The following SUCO variants were observed in gnomAD, a reference collection of about 807,000 sequenced individuals.
SUCO encodes SUN domain containing ossification factor, also known as SUN domain-containing ossification factor.
In SUCO, 57 loss-of-function variants were observed where a neutral mutation model predicts 148.1. That is an observed-to-expected ratio of 0.38 (90% confidence interval 0.31 to 0.48). SUCO has a LOEUF of 0.48. Among genes scored for constraint, SUCO ranks in the 20% least tolerant of loss-of-function variants. SUCO has a pLI of 0.96. For synonymous variants in SUCO, 470 were observed against 502.7 expected (o/e 0.93, Z 0.87); for missense variants, 1,331 against 1,468.2 (o/e 0.91, Z 1.53).
chr1:172,579,618 T>A (rs1655727160), intron 15 of SUCO, among the ~76,000 whole-genome samples: 1 of 152,026 alleles, frequency 6.6e-6, no homozygotes, highest in Non-Finnish European at 1.5e-5. Flanking sequence ...AGTTTGCCAT[T>A]TAGTTACAAA....
intron 15 of SUCO, among the ~76,000 whole-genome samples, chr1:172,580,403 ATTACT>A (rs1260815220): frequency 1.3e-5 from 2 of 152,184 alleles, no homozygotes; most frequent in Non-Finnish European, 2.9e-5. Context: ...GATATTAGTG[ATTACT>A]TTTAAATAGG....
rs1267022805 is a variant in SUCO at position 172,533,376 on chromosome 1, G to A, written c.-60G>A. The stretch of plus-strand genomic sequence containing the variant: ...GCTCCGGCTCCTCCATCTTGGCCTC[G>A]GCAGTGGCGGCTGCCGGGAGGATGT... On this transcript the variant is annotated 5_prime_UTR_variant, in exon 1 of 24. Coordinates refer to ENST00000263688, the MANE Select transcript of SUCO (RefSeq NM_014283.5). The A allele has an allele frequency of 3.2e-6, 5 of 1,551,738 alleles. No homozygotes were observed. The highest frequency in any genetic ancestry group is 4.4e-6 in the Non-Finnish European group (5 of 1,147,102).
intron 6 of SUCO, among the ~76,000 whole-genome samples, chr1:172,567,691 A>C (rs1449665822): frequency 6.6e-6 from 1 of 152,142 alleles, no homozygotes; most frequent in Non-Finnish European, 1.5e-5. Context: ...TCTTATGCAT[A>C]TCTTTTGGAC....
At chr1:172,564,501 A>G (rs58097538) in intron 6 of SUCO, among the ~76,000 whole-genome samples, 7,528 of 152,160 alleles carry the variant, frequency 0.049, 571 homozygotes, top group African/African-American at 0.17. Flanking sequence ...ACCATGTGTA[A>G]AAGGTGCTTG....
chr1:172,610,147 C>G lies in SUCO; in HGVS notation c.3653C>G (p.Thr1218Ser). The G allele has an allele frequency of 1.2e-6, 2 of 1,613,644 alleles. No homozygotes were observed. The highest frequency in any genetic ancestry group is 1.7e-6 in the Non-Finnish European group (2 of 1,179,804). ...CAAGACCAAGGAAAATTGATAAAAA[C>G]TCTAATACAGACTAAGTCGGGATCA... ...KVQDQGKLIK[T>S]LIQTKSGSLP... is the part of the protein sequence containing the mutation. Residue 1218 changes from threonine (T) to serine (S), a missense_variant, in exon 24 of 24, where the codon ACT (threonine) becomes AGT (serine). Physicochemically the swap from Thr to Ser is moderately conservative, Grantham distance 58. This residue lies in a region of SUCO where 334 missense variants were observed against 352.3 expected (regional missense o/e 0.95). Coordinates refer to ENST00000263688, the MANE Select transcript of SUCO (RefSeq NM_014283.5).
chr1:172,553,768 G>A (rs903736418), intron 3 of SUCO, among the ~76,000 whole-genome samples: 4 of 152,050 alleles, frequency 2.6e-5, no homozygotes, highest in African/African-American at 7.2e-5. Context: ...CACTTATTGT[G>A]GGTATGAATA....
At chr1:172,594,476 T>A (rs1343902119) in intron 19 of SUCO, among the ~76,000 whole-genome samples, 3 of 152,234 alleles carry the variant, frequency 2.0e-5, no homozygotes, top group Non-Finnish European at 4.4e-5. Context: ...TCTGGTATGT[T>A]GTGTCTTTGT....
Position 172,575,572 on chromosome 1 carries a change from G to A in SUCO, c.1212G>A (p.Arg404=), listed in dbSNP as rs1350151913. The change falls in exon 11 of 24, where the codon CGG becomes CGA. Residue 404 remains arginine, a synonymous_variant. Coordinates refer to ENST00000263688, the MANE Select transcript of SUCO (RefSeq NM_014283.5). Reference sequence around the variant, plus strand: ...GTACTTTTCATGGTAGAGATGAGCGGAATGTACAGAGTTTCCCTTTAGATG... The same window carrying A: ...GTACTTTTCATGGTAGAGATGAGCGAAATGTACAGAGTTTCCCTTTAGATG... ...KLGTFHGRDE[R]NVQSFPLDEQ... is the part of the protein sequence containing the mutation. The A allele has an allele frequency of 1.2e-6, 2 of 1,612,160 alleles. No individual in the cohort carries two copies. The highest frequency in any genetic ancestry group is 4.5e-5 in the East Asian group (2 of 44,766).
chr1:172,595,922 T>C (rs894749000), intron 19 of SUCO, among the ~76,000 whole-genome samples: 3 of 152,214 alleles, frequency 2.0e-5, no homozygotes, highest in African/African-American at 4.8e-5. Context: ...ACCATTCAAA[T>C]GTAGATTTGG....
chr1:172,572,796 A>C (rs1276708335), intron 9 of SUCO, among the ~76,000 whole-genome samples: 1 of 151,830 alleles, frequency 6.6e-6, no homozygotes, highest in Non-Finnish European at 1.5e-5. Context: ...AAGAAGAAAG[A>C]TACAATGAGA....
At chr1:172,603,017 G>T (rs1657634248) in intron 22 of SUCO, 1 of 443,772 alleles carries the variant, frequency 2.3e-6, no homozygotes, top group Non-Finnish European at 4.0e-6. Flanking sequence ...GCAGTTGGTA[G>T]CTTTGTTTGC....
chr1:172,532,414 C>G (rs1651649349), upstream of SUCO: 3 of 1,348,366 alleles, frequency 2.2e-6, no homozygotes, highest in Admixed American at 2.3e-5. Context: ...ACCCGGCAAG[C>G]GGCGAAATTC....
chr1:172,540,557 A>G (rs1652375995), intron 1 of SUCO, among the ~76,000 whole-genome samples: 1 of 152,232 alleles, frequency 6.6e-6, no homozygotes, highest in African/African-American at 2.4e-5. Flanking sequence ...TTAATAAACA[A>G]CACATAAAAC....
At chr1:172,532,796 A>G (rs1403297277), upstream of SUCO, 4 of 1,607,604 alleles carry the variant, frequency 2.5e-6, no homozygotes, top group Middle Eastern at 3.3e-4. Context: ...CGAGGGACGA[A>G]GGGCGGTCCA....
intron 19 of SUCO, among the ~76,000 whole-genome samples, chr1:172,597,222 C>T (rs1171861301): frequency 1.3e-5 from 2 of 152,378 alleles, no homozygotes; most frequent in Middle Eastern, 3.4e-3. Flanking sequence ...AATTCCCTCA[C>T]CCTTGCACTT....
chr1:172,555,322 A>C (rs1653653344), intron 3 of SUCO: 31 of 910,380 alleles, frequency 3.4e-5, no homozygotes, highest in Non-Finnish European at 3.9e-5. Context: ...GGAGGTGCTG[A>C]TAGAGGTTTT....
At chr1:172,588,507 G>A in intron 17 of SUCO, 1 of 985,020 alleles carries the variant, frequency 1.0e-6, no homozygotes, top group Non-Finnish European at 1.2e-6. Flanking sequence ...AAGAAAGCAA[G>A]TTTGATATGG....
chr1:172,569,954 C>T (rs1225271952), intron 7 of SUCO, 93 bp from the exon 8 acceptor site: 1 of 1,148,712 alleles, frequency 8.7e-7, no homozygotes. Flanking sequence ...TAGAAGACAG[C>T]TTATTGCTTT....
chr1:172,550,213 A>C (rs1653186061), intron 1 of SUCO, among the ~76,000 whole-genome samples: 1 of 151,964 alleles, frequency 6.6e-6, no homozygotes, highest in African/African-American at 2.4e-5. Context: ...TGTTATATAA[A>C]AAGTCTCCCT....
Sources: allele counts gnomAD v4.1 joint callset (sites outside exome capture counted in the v4.1 genomes callset), GRCh38; gene constraint gnomAD v4.1.1; regional missense constraint gnomAD v4.1.1; transcripts MANE v1.5; gene names NCBI Gene and HGNC (gene_info 2026-07-23, HGNC 2026-07-21).